Variants in MAL2 observed in about 807,000 individuals in gnomAD.
MAL2 encodes the protein mal, T cell differentiation protein 2, also known as protein MAL2.
MAL2 carries 17 observed loss-of-function variants against 18.1 expected under a neutral mutation model. The observed-to-expected ratio is 0.94, with a 90% CI of 0.64 to 1.41. MAL2 has a LOEUF of 1.41. Ranked by LOEUF, MAL2 falls within the 40% of genes most tolerant of loss-of-function variation. The pLI, the probability that MAL2 is intolerant of heterozygous loss-of-function variation, is 0.00. For synonymous variants in MAL2, 102 were observed against 102.3 expected (o/e 1.00, Z 0.02); for missense variants, 222 against 231.9 (o/e 0.96, Z 0.28).
At chr8:119,242,838 C>T (rs1246660602) in intron 3 of MAL2, among the ~76,000 whole-genome samples, 1 of 152,150 alleles carries the variant, frequency 6.6e-6, no homozygotes, top group Non-Finnish European at 1.5e-5. Context: ...TTTATATGTA[C>T]CAAGTATAGT....
intron 3 of MAL2, among the ~76,000 whole-genome samples, chr8:119,240,599 CAA>C (rs1000354910): frequency 3.3e-5 from 5 of 152,082 alleles, no homozygotes; most frequent in African/African-American, 1.2e-4. Context: ...GTCTACTTTG[CAA>C]AAAGAGTTGT....
chr8:119,223,725 C>A (rs1446398598), intron 2 of MAL2: 1 of 152,184 alleles, frequency 6.6e-6, no homozygotes, highest in African/African-American at 2.4e-5. Context: ...AGAGCCAAAT[C>A]TTGTCTTCAA....
At chr8:119,210,642 T>C (rs1300130721) in intron 1 of MAL2, among the ~76,000 whole-genome samples, 1 of 152,174 alleles carries the variant, frequency 6.6e-6, no homozygotes, top group Non-Finnish European at 1.5e-5. Context: ...ATTCTCTCTA[T>C]CCGCTAAAAC....
chr8:119,225,738 A>G lies in MAL2; in HGVS notation c.303+3981A>G, dbSNP rs553727288. ...TGAACTAGTTTACATTCCCACCAACAGTGTAAAAGTGTTCCTATTTCTCCA... is the reference window on the plus strand; with the variant it reads ...TGAACTAGTTTACATTCCCACCAACGGTGTAAAAGTGTTCCTATTTCTCCA... On this transcript the variant is annotated intron_variant, in intron 2 of 3. Coordinates refer to ENST00000614891, the MANE Select transcript of MAL2 (RefSeq NM_052886.3). 2.6e-3 allele frequency among the ~76,000 whole-genome samples: 392 copies of G among 152,352 alleles called. 1 individual carries two copies. Among genetic ancestry groups the G allele is most frequent in the African/African-American group, 9.1e-3 (380 of 41,590 alleles).
chr8:119,239,687 A>G (rs1008335548), intron 2 of MAL2, among the ~76,000 whole-genome samples: 14 of 151,680 alleles, frequency 9.2e-5, no homozygotes, highest in South Asian at 4.2e-4. Context: ...ACCAAACACC[A>G]CATATTCTCA....
At chr8:119,216,620 T>C (rs896379019) in intron 1 of MAL2, among the ~76,000 whole-genome samples, 1 of 152,204 alleles carries the variant, frequency 6.6e-6, no homozygotes, top group African/African-American at 2.4e-5. Context: ...ATTTTTTTGC[T>C]TTTCCTCTAT....
chr8:119,241,284 T>A (rs1348099443), intron 3 of MAL2, among the ~76,000 whole-genome samples: 1 of 152,126 alleles, frequency 6.6e-6, no homozygotes, highest in Non-Finnish European at 1.5e-5. Flanking sequence ...TCCCAGCACA[T>A]TGGTAGGCCG....
At chr8:119,213,347 G>GTA (rs1563768077) in intron 1 of MAL2, among the ~76,000 whole-genome samples, 1 of 147,740 alleles carries the variant, frequency 6.8e-6, no homozygotes, top group Non-Finnish European at 1.5e-5. Flanking sequence ...CTAGTAACAT[G>GTA]TATATGTTCT....
chr8:119,222,029 G>A (rs2468191), intron 2 of MAL2, among the ~76,000 whole-genome samples: 85,639 of 151,916 alleles, frequency 0.56, 25,752 homozygotes, highest in Middle Eastern at 0.69. Flanking sequence ...CATTTCATAC[G>A]GCAAATGAAT....
At chr8:119,229,725 A>T (rs1044062850) in intron 2 of MAL2, among the ~76,000 whole-genome samples, 2 of 152,206 alleles carry the variant, frequency 1.3e-5, no homozygotes, top group African/African-American at 4.8e-5. Flanking sequence ...GAATGTGGCT[A>T]TAATGCACAT....
intron 1 of MAL2, among the ~76,000 whole-genome samples, chr8:119,220,548 G>A (rs1003091864): frequency 9.2e-5 from 14 of 152,052 alleles, no homozygotes; most frequent in Admixed American, 7.2e-4. Flanking sequence ...CTTTGTCATC[G>A]CCCTTAGGTG....
rs1266615804 is a variant in MAL2, at chr8:119,208,760, C to A, written c.132+156C>A. The A allele has an allele frequency of 1.8e-6, 2 of 1,141,812 alleles. No homozygotes were observed. Among genetic ancestry groups the A allele is most frequent in the Admixed American group, 4.4e-5 (1 of 22,884 alleles). 70.7% of individuals were successfully genotyped at this position (1,141,812 alleles called of 1,614,324 possible). A position where few individuals can be genotyped will look rare whatever the true frequency, so the allele number is the denominator to read the frequency against. On this transcript the variant is annotated intron_variant, in intron 1 of 3. Coordinates refer to ENST00000614891, the MANE Select transcript of MAL2 (RefSeq NM_052886.3). The surrounding 1 kb of genome is among the most constrained non-coding windows in gnomAD (Gnocchi z 4.3). ...CCCTCCCGGGGTCCTCTCGGTGCCC[C>A]GCGCCGCCGCCCGGGCCCTCCCTCC...
rs1818115904 is a variant in MAL2 at position 119,244,691 on chromosome 8, G to GTAT, written c.*1206_*1208dup. The GTAT allele has an allele frequency of 6.6e-6, 1 of 152,134 alleles. No homozygotes were observed. The highest frequency in any genetic ancestry group is 1.5e-5 in the Non-Finnish European group (1 of 68,006). The allele number at this position is 152,134 out of a possible 1,614,324, so 9.4% of individuals were successfully genotyped here. ...AAGTTGTAGATTCTTATGTGTTTTTGTATTAGCCCAGACATCTGTAATGTT... is the reference window on the plus strand; with the variant it reads ...AAGTTGTAGATTCTTATGTGTTTTTGTATTATTAGCCCAGACATCTGTAATGTT... On this transcript the variant is annotated 3_prime_UTR_variant, in exon 4 of 4. Coordinates refer to ENST00000614891, the MANE Select transcript of MAL2 (RefSeq NM_052886.3).
chr8:119,230,256 TATGACCCTGGCTGGATAGG>T (rs1297727268), intron 2 of MAL2, among the ~76,000 whole-genome samples: 2 of 152,266 alleles, frequency 1.3e-5, no homozygotes, highest in East Asian at 1.9e-4. Flanking sequence ...CAAGAGTATA[TATGACCCTGGCTGGATAGG>T]ATGACCCAAG....
At chr8:119,211,060 C>T (rs960170322) in intron 1 of MAL2, among the ~76,000 whole-genome samples, 1 of 152,114 alleles carries the variant, frequency 6.6e-6, no homozygotes, top group African/African-American at 2.4e-5. Flanking sequence ...GGCTTGTTAC[C>T]CCTCCATTTA....
At chr8:119,231,753 A>G (rs1321685453) in intron 2 of MAL2, among the ~76,000 whole-genome samples, 2 of 152,236 alleles carry the variant, frequency 1.3e-5, no homozygotes, top group African/African-American at 4.8e-5. Context: ...TGCCTTTAAA[A>G]AGGCAGAAAT....
At chr8:119,239,909 TAAAA>T (rs1014975985) in intron 2 of MAL2, among the ~76,000 whole-genome samples, 4 of 151,930 alleles carry the variant, frequency 2.6e-5, no homozygotes, top group African/African-American at 4.8e-5. Context: ...AGTATAATAA[TAAAA>T]AAATAAAATT....
chr8:119,224,597 T>G (rs1817543520), intron 2 of MAL2, among the ~76,000 whole-genome samples: 1 of 152,146 alleles, frequency 6.6e-6, no homozygotes, highest in African/African-American at 2.4e-5. Flanking sequence ...ATTACATGAA[T>G]GAATTGCATA....
At chr8:119,212,946 A>G (rs1817288257) in intron 1 of MAL2, among the ~76,000 whole-genome samples, 1 of 152,232 alleles carries the variant, frequency 6.6e-6, no homozygotes, top group Non-Finnish European at 1.5e-5. Context: ...AACTTGATCC[A>G]GCTTGTGTCT....
Sources: allele counts gnomAD v4.1 joint callset (sites outside exome capture counted in the v4.1 genomes callset), GRCh38; gene constraint gnomAD v4.1.1; non-coding constraint Gnocchi (gnomAD v3.1); transcripts MANE v1.5; gene names NCBI Gene and HGNC (gene_info 2026-07-23, HGNC 2026-07-21).